Variants in PPP1R13L observed in about 807,000 individuals in gnomAD.
The protein encoded by PPP1R13L is relA-associated inhibitor.
PPP1R13L carries 50 observed loss-of-function variants against 80.9 expected under a neutral mutation model. That is an observed-to-expected ratio of 0.62 (90% CI 0.49 to 0.78). The LOEUF is 0.78. Among genes scored for constraint, PPP1R13L ranks in the 30% least tolerant of loss-of-function variants. The pLI is 0.00. For missense variants in PPP1R13L, 1,200 were observed against 1,205.9 expected (o/e 1.00, Z 0.07); for synonymous variants, 602 against 534.3 (o/e 1.13, Z -1.75).
chr19:45,387,904 T>C (rs950688382), intron 8 of PPP1R13L, among the ~76,000 whole-genome samples: 4 of 152,038 alleles, frequency 2.6e-5, no homozygotes, highest in Admixed American at 2.6e-4. Flanking sequence ...GTGGCTCATG[T>C]GTGTAATCTC....
At chr19:45,390,952 A>G (rs1437341300) in intron 8 of PPP1R13L, among the ~76,000 whole-genome samples, 1 of 151,588 alleles carries the variant, frequency 6.6e-6, no homozygotes, top group African/African-American at 2.4e-5. Context: ...AACTGCAGCA[A>G]TTTGGGAGGC....
At chr19:45,399,238 C>T (rs759888687) in intron 1 of PPP1R13L, among the ~76,000 whole-genome samples, 1 of 151,010 alleles carries the variant, frequency 6.6e-6, no homozygotes, top group Non-Finnish European at 1.5e-5. Flanking sequence ...CCACCGCGCC[C>T]GGCCTTGTTT....
chr19:45,396,918 G>A lies in PPP1R13L; in HGVS notation c.339C>T (p.Ser113=). The change falls in exon 4 of 13, where the codon TCC becomes TCT. Residue 113 remains serine (S), a synonymous_variant. Coordinates refer to ENST00000360957, the MANE Select transcript of PPP1R13L (RefSeq NM_006663.4). The surrounding 1 kb of genome is among the most constrained non-coding windows in gnomAD (Gnocchi z 5.3). The part of the protein sequence containing the change: ...APTLHPYSPL[S]PKGRPSSPRT... ...GCGGCGACGACGGCCGTCCCTTGGG[G>A]GACAGCGGGCTGTAGGGGTGTAGGG... The A allele has an allele frequency of 6.7e-7, 1 of 1,495,290 alleles. No homozygotes were observed. The highest frequency in any genetic ancestry group is 8.8e-7 in the Non-Finnish European group (1 of 1,130,914). The allele number at this position is 1,495,290 out of a possible 1,614,324, so 92.6% of individuals were successfully genotyped here. A position where few individuals can be genotyped will look rare whatever the true frequency, so the allele number is the denominator to read the frequency against.
chr19:45,403,827 C>T (rs1045300513), intron 1 of PPP1R13L, among the ~76,000 whole-genome samples: 1 of 152,020 alleles, frequency 6.6e-6, no homozygotes, highest in Non-Finnish European at 1.5e-5. Context: ...GTTTTTAATC[C>T]CCCTTCTTAG....
At chr19:45,381,491 C>T (rs34923904) in intron 12 of PPP1R13L, among the ~76,000 whole-genome samples, 2,434 of 152,212 alleles carry the variant, frequency 0.016, 71 homozygotes, top group African/African-American at 0.056. Context: ...TCTTCTTTGT[C>T]GCTTCCCTTG....
intron 11 of PPP1R13L, among the ~76,000 whole-genome samples, chr19:45,383,115 C>T (rs1211832524): frequency 2.7e-5 from 4 of 150,796 alleles, no homozygotes; most frequent in Non-Finnish European, 4.4e-5. Flanking sequence ...CTGCCTCAGC[C>T]TCCCGAGTAG....
Position 45,397,059 on chromosome 19 carries a change from C to G in PPP1R13L, c.199-1G>C, listed in dbSNP as rs760790462. On this transcript the variant is annotated splice_acceptor_variant, in intron 3 of 12. Coordinates refer to ENST00000360957, the MANE Select transcript of PPP1R13L (RefSeq NM_006663.4). LOFTEE classifies it high-confidence loss of function. The stretch of plus-strand genomic sequence containing the variant: ...TCGAGCTGGAGCTGTACCGGGGCGG[C>G]TGTGGGGAGGCCAGGGCATTGAGGG... 3.8e-6 allele frequency: 5 copies of G among 1,308,518 alleles called. No homozygotes were observed. Among genetic ancestry groups the G allele is most frequent in the Non-Finnish European group, 4.9e-6 (5 of 1,029,284 alleles). 81.1% of individuals were successfully genotyped at this position (1,308,518 alleles called of 1,614,324 possible). A position where few individuals can be genotyped will look rare whatever the true frequency, so the allele number is the denominator to read the frequency against.
At position 45,395,707 on chromosome 19, in the gene PPP1R13L, G is replaced by C; in HGVS notation, c.1083C>G (p.Pro361=). 1 of 1,467,134 alleles carries C rather than the reference G, an allele frequency of 6.8e-7. No individual in the cohort carries two copies. Among genetic ancestry groups the C allele is most frequent in the Non-Finnish European group, 9.0e-7 (1 of 1,116,926 alleles). The allele number at this position is 1,467,134 out of a possible 1,614,324, so 90.9% of individuals were successfully genotyped here. The part of the protein sequence containing the change: ...RIPMPPSSPQ[P]RGAPRQRPIP... ...TGGGACGCTGGCGCGGGGCCCCGCG[G>C]GGCTGGGGGCTGGAGGGGGGCATGG... is the stretch of plus-strand genomic sequence containing the variant. Residue 361 remains proline (P), a synonymous_variant, in exon 7 of 13, where the codon CCC becomes CCG. Transcript: ENST00000360957.
chr19:45,395,363 C>T (rs1375840905), intron 7 of PPP1R13L, 73 bp downstream of exon 7: 10 of 1,552,032 alleles, frequency 6.4e-6, no homozygotes, highest in Non-Finnish European at 6.9e-6. Flanking sequence ...CCCCACCTCC[C>T]AGGGCTGGTC....
intron 10 of PPP1R13L, 46 bp from the exon 11 acceptor site, chr19:45,385,774 T>A: frequency 6.2e-7 from 1 of 1,607,644 alleles, no homozygotes; most frequent in South Asian, 1.1e-5. Context: ...CGTGAGAGGC[T>A]GCGCGTCCGC....
chr19:45,399,776 C>A (rs1239305279), intron 1 of PPP1R13L, among the ~76,000 whole-genome samples: 2 of 151,660 alleles, frequency 1.3e-5, no homozygotes, highest in Admixed American at 1.3e-4. Flanking sequence ...GGTGAAACCC[C>A]GTCTCTACAA....
rs1568560198 is a variant in PPP1R13L at position 45,396,342 on chromosome 19, A to G, written c.807T>C (p.Tyr269=). Residue 269 remains tyrosine (Y), a synonymous_variant, in exon 5 of 13, where the codon TAT becomes TAC. Coordinates refer to ENST00000360957, the MANE Select transcript of PPP1R13L (RefSeq NM_006663.4). The surrounding 1 kb of genome is among the most constrained non-coding windows in gnomAD (Gnocchi z 5.3). The part of the protein sequence containing the change: ...YEKKPSQTAS[Y]ERLDVFARPA... ...CCCCGGGCCTCCACCACTCACGTTCATAGCTCGCTGTCTGCGAAGGCTTCT... is the reference window on the plus strand; with the variant it reads ...CCCCGGGCCTCCACCACTCACGTTCGTAGCTCGCTGTCTGCGAAGGCTTCT... 1 of 1,614,080 alleles carries G rather than the reference A, an allele frequency of 6.2e-7. No homozygotes were observed. The highest frequency in any genetic ancestry group is 8.5e-7 in the Non-Finnish European group (1 of 1,179,996).
rs750610060 is a variant in PPP1R13L, at chr19:45,396,838, G to A, written c.419C>T (p.Ser140Leu). 11 of 1,503,842 alleles carry A rather than the reference G, an allele frequency of 7.3e-6. No individual in the cohort carries two copies. Among genetic ancestry groups the A allele is most frequent in the Non-Finnish European group, 9.7e-6 (11 of 1,135,868 alleles). The allele number at this position is 1,503,842 out of a possible 1,614,324, so 93.2% of individuals were successfully genotyped here. The change falls in exon 4 of 13, where the codon TCG (serine) becomes TTG (leucine). Residue 140 changes from serine to leucine, a missense_variant. Ser to Leu is a moderately radical substitution (Grantham distance 145). Around this residue, in one of 5 missense-constraint regions of PPP1R13L, gnomAD observed 764 missense variants for 714.5 expected, o/e 1.07. Transcript: ENST00000360957. The surrounding 1 kb of genome is among the most constrained non-coding windows in gnomAD (Gnocchi z 5.3). ...DAYGSLDRAT[S>L]PRPRAFDGAG... ...GCCATCGAAGGCGCGGGGCCGGGGC[G>A]AGGTCGCGCGGTCCAGGCTGCCGTA...
At chr19:45,391,853 AC>A (rs1972978370) in intron 8 of PPP1R13L, 26 bp downstream of exon 8, 1 of 1,427,000 alleles carries the variant, frequency 7.0e-7, no homozygotes, top group Admixed American at 2.6e-5. Context: ...TAGCAAACAT[AC>A]CCCGGTTTCC....
chr19:45,397,472 CTCTT>C (rs71173161), intron 3 of PPP1R13L, among the ~76,000 whole-genome samples: 2,019 of 83,322 alleles, frequency 0.024, 73 homozygotes, highest in African/African-American at 0.085. Flanking sequence ...TTCTCTCTCT[CTCTT>C]TCTTTCTTTC....
intron 7 of PPP1R13L, among the ~76,000 whole-genome samples, chr19:45,393,790 G>A (rs894737894): frequency 4.6e-5 from 7 of 151,788 alleles, no homozygotes; most frequent in African/African-American, 1.2e-4. Flanking sequence ...GGAGAATGGC[G>A]TGAACCCGGG....
intron 8 of PPP1R13L, among the ~76,000 whole-genome samples, chr19:45,390,294 G>A (rs1386167496): frequency 6.6e-6 from 1 of 151,732 alleles, no homozygotes; most frequent in East Asian, 1.9e-4. Context: ...CTTTTCCCTA[G>A]TTTATAAGAC....
chr19:45,402,247 T>C (rs535237650), intron 1 of PPP1R13L: 3 of 151,404 alleles, frequency 2.0e-5, no homozygotes, highest in Non-Finnish European at 4.4e-5. Flanking sequence ...AGTGACTCTT[T>C]TTTTTTCTTT....
chr19:45,381,246 G>T (rs1972757857), intron 12 of PPP1R13L, among the ~76,000 whole-genome samples: 1 of 150,702 alleles, frequency 6.6e-6, no homozygotes, highest in African/African-American at 2.4e-5. Context: ...ATTTTTAGTA[G>T]AGATGGAGTT....
Sources: gnomAD v4.1 joint callset for allele counts (sites outside exome capture counted in the v4.1 genomes callset) on GRCh38, gnomAD v4.1.1 for gene constraint, gnomAD v4.1.1 regional missense constraint, Gnocchi (gnomAD v3.1) non-coding constraint, MANE v1.5 for transcripts, NCBI Gene and HGNC (gene_info 2026-07-23, HGNC 2026-07-21) for gene names.